The following TEX14 variants were observed in gnomAD, a reference collection of about 807,000 sequenced individuals.
The protein encoded by TEX14 is inactive serine/threonine-protein kinase TEX14.
Under a neutral mutation model 178.6 loss-of-function variants are expected in TEX14, and 168 were observed. The ratio of observed to expected loss-of-function variants is 0.94; its 90% confidence interval spans 0.83 to 1.07. TEX14 has a LOEUF of 1.07. Ranked by LOEUF, TEX14 falls within the 50% of genes least tolerant of loss-of-function variation. The probability of loss-of-function intolerance (pLI) is 0.00; values close to 1 mark genes in which losing one functional copy is unlikely to be tolerated. For missense variants in TEX14, 1,730 were observed against 1,753.6 expected (o/e 0.99, Z 0.24); for synonymous variants, 626 against 634.1 (o/e 0.99, Z 0.19).
chr17:58,661,130 C>T (rs1298605642), intron 1 of TEX14: 6 of 856,166 alleles, frequency 7.0e-6, no homozygotes, highest in African/African-American at 1.7e-5. Context: ...TTTAGCCTGT[C>T]TTTGAGATGC....
Position 58,570,680 on chromosome 17 carries a change from C to T in TEX14, c.3718-196G>A, listed in dbSNP as rs148332266. Among the ~76,000 whole-genome samples, 8 of 124,572 alleles carry T rather than the reference C, an allele frequency of 6.4e-5. No homozygotes were observed. In the East Asian group the frequency reaches 2.1e-3, roughly 32 times the overall value. 81.7% of individuals were successfully genotyped at this position (124,572 alleles called of 152,430 possible). ...TTACTCTGTTGCCCAGGCTGGAGTG[C>T]AGTGGCACAATCTCAGCTCACTGCA... On this transcript the variant is annotated intron_variant, in intron 24 of 31. Transcript: ENST00000349033.
rs548447342 is a variant in TEX14 at position 58,618,476 on chromosome 17, G to A, written c.555-857C>T. Reference sequence around the variant, plus strand: ...TGCATCAGGGTCCCCCTTCACTGAAGGTGTCTTGGAAGAAGGGGTGATGCC... The same window carrying A: ...TGCATCAGGGTCCCCCTTCACTGAAAGTGTCTTGGAAGAAGGGGTGATGCC... On this transcript the variant is annotated intron_variant, in intron 5 of 31. Transcript: ENST00000349033. Among the ~76,000 whole-genome samples, 3 of 152,344 alleles carry A rather than the reference G, an allele frequency of 2.0e-5. No homozygotes were observed. The East Asian group carries it at 5.8e-4, about 29-fold the overall frequency.
intron 1 of TEX14, among the ~76,000 whole-genome samples, chr17:58,679,023 G>A (rs1429945592): frequency 6.6e-6 from 1 of 151,762 alleles, no homozygotes; most frequent in Non-Finnish European, 1.5e-5. Context: ...GCGTGGTGGC[G>A]TGTGCCTGTA....
At chr17:58,632,329 C>T (rs1462254546) in intron 2 of TEX14, among the ~76,000 whole-genome samples, 1 of 152,184 alleles carries the variant, frequency 6.6e-6, no homozygotes, top group African/African-American at 2.4e-5. Context: ...ATTTCTTCCC[C>T]AAAAACCAGG....
chr17:58,616,579 C>A (rs1337557143), intron 6 of TEX14, among the ~76,000 whole-genome samples: 2 of 151,782 alleles, frequency 1.3e-5, no homozygotes, highest in African/African-American at 4.8e-5. Flanking sequence ...TACAAGCATG[C>A]ACCACCACAC....
intron 2 of TEX14, among the ~76,000 whole-genome samples, chr17:58,632,781 G>A (rs1354930584): frequency 6.6e-6 from 1 of 152,154 alleles, no homozygotes; most frequent in African/African-American, 2.4e-5. Context: ...GGGAAGGGGA[G>A]AGGGTATATA....
intron 11 of TEX14, among the ~76,000 whole-genome samples, chr17:58,602,876 G>A (rs894828406): frequency 6.6e-6 from 1 of 151,238 alleles, no homozygotes; most frequent in Non-Finnish European, 1.5e-5. Context: ...GACCGTCCTG[G>A]CCAACATGGT....
chr17:58,564,982 A>ATTT lies in TEX14; in HGVS notation c.3965-15_3965-14insAAA, dbSNP rs766750761. On this transcript the variant is annotated splice_polypyrimidine_tract_variant and intron_variant, in intron 27 of 31. Coordinates refer to ENST00000349033, the MANE Select transcript of TEX14 (RefSeq NM_031272.5). ...AGTGCCTTTGATCTAAAAACAGTTG[A>ATTT]AAGAATTAACTTTATTAGAACGAAA... 1.8e-5 allele frequency: 27 copies of ATTT among 1,517,288 alleles called. 2 individuals are homozygous for ATTT. The South Asian group carries it at 3.2e-4, about 18-fold the overall frequency. 94.0% of individuals were successfully genotyped at this position (1,517,288 alleles called of 1,614,324 possible). A position where few individuals can be genotyped will look rare whatever the true frequency, so the allele number is the denominator to read the frequency against.
chr17:58,591,529 AAAAT>A (rs1218495830), intron 15 of TEX14, among the ~76,000 whole-genome samples: 1 of 152,110 alleles, frequency 6.6e-6, no homozygotes, highest in Non-Finnish European at 1.5e-5. Context: ...AAAAATATAA[AAAAT>A]AAATAAATAA....
intron 1 of TEX14, among the ~76,000 whole-genome samples, chr17:58,682,799 A>G (rs999099948): frequency 1.1e-4 from 17 of 152,174 alleles, no homozygotes; most frequent in Non-Finnish European, 2.1e-4. Context: ...AGCCTTAGGC[A>G]AAAAGATGTC....
At chr17:58,620,858 C>G (rs9898626) in intron 5 of TEX14, among the ~76,000 whole-genome samples, 96,730 of 151,872 alleles carry the variant, frequency 0.64, 31,174 homozygotes, top group African/African-American at 0.71. Flanking sequence ...CAGAGTGGCA[C>G]GCAGCACAGC....
Position 58,676,402 on chromosome 17 carries a change from A to C in TEX14, c.-2+15537T>G, listed in dbSNP as rs185141931. Reference sequence around the variant, plus strand: ...AAAAAAAACCAAAAAAACAAAAAAAAACACAAAAAAACCCAGGCGTGGTGG... The same window carrying C: ...AAAAAAAACCAAAAAAACAAAAAAACACACAAAAAAACCCAGGCGTGGTGG... On this transcript the variant is annotated intron_variant, in intron 1 of 31. Coordinates refer to ENST00000349033, the MANE Select transcript of TEX14 (RefSeq NM_031272.5). Among the ~76,000 whole-genome samples, 6 of 151,880 alleles carry C rather than the reference A, an allele frequency of 4.0e-5. No individual in the cohort carries two copies. The East Asian group carries it at 5.8e-4, about 15-fold the overall frequency.
intron 1 of TEX14, among the ~76,000 whole-genome samples, chr17:58,654,877 T>C (rs1455250128): frequency 2.0e-5 from 3 of 151,976 alleles, no homozygotes; most frequent in Non-Finnish European, 4.4e-5. Flanking sequence ...GACCTCATTC[T>C]GTCCTAGAAC....
chr17:58,687,824 C>CGGTAG (rs1402764013), intron 1 of TEX14, among the ~76,000 whole-genome samples: 4 of 152,170 alleles, frequency 2.6e-5, no homozygotes. Flanking sequence ...GTCCTTCCTA[C>CGGTAG]CCTTAGAATT....
chr17:58,599,274 CAA>C lies in TEX14; in HGVS notation c.2069_2070del (p.Phe690Ter), dbSNP rs1190117156. 1.9e-6 allele frequency: 3 copies of C among 1,613,484 alleles called. No individual in the cohort carries two copies. Among genetic ancestry groups the C allele is most frequent in the Admixed American group, 1.7e-5 (1 of 60,006 alleles). On this transcript the variant is annotated frameshift_variant, in exon 14 of 32. Transcript: ENST00000349033. LOFTEE classifies it high-confidence loss of function. ...SSSKAETEYS[F>X]DDWDWQNGSL... ...GAACCGTTTTGCCAGTCCCAGTCATCAAAAGAGTACTCTGTCTCAGCTTTTGA... is the reference window on the plus strand; with the variant it reads ...GAACCGTTTTGCCAGTCCCAGTCATCAAGAGTACTCTGTCTCAGCTTTTGA...
At chr17:58,682,961 T>G (rs1318620811) in intron 1 of TEX14, among the ~76,000 whole-genome samples, 1 of 146,780 alleles carries the variant, frequency 6.8e-6, no homozygotes, top group Admixed American at 7.1e-5. Flanking sequence ...GGCTAACACC[T>G]ACAATCCCAG....
intron 27 of TEX14, 25 bp downstream of exon 27, chr17:58,565,722 A>T (rs1445793326): frequency 1.3e-6 from 2 of 1,570,508 alleles, no homozygotes; most frequent in Admixed American, 1.7e-5. Flanking sequence ...GAACCTGATG[A>T]AAACAATCTA....
At chr17:58,628,345 G>C (rs2046197231) in intron 3 of TEX14, among the ~76,000 whole-genome samples, 2 of 151,790 alleles carry the variant, frequency 1.3e-5, no homozygotes, top group Non-Finnish European at 2.9e-5. Flanking sequence ...TTGGGAGACT[G>C]AGGCGGGCGG....
intron 6 of TEX14, 131 bp downstream of exon 6, chr17:58,617,407 T>A (rs551130469): frequency 4.6e-6 from 3 of 650,848 alleles, no homozygotes; most frequent in East Asian, 2.6e-5. Flanking sequence ...TTTCCCTCAA[T>A]AGGGGCAAAA....
Sources: allele counts gnomAD v4.1 joint callset (sites outside exome capture counted in the v4.1 genomes callset), GRCh38; gene constraint gnomAD v4.1.1; transcripts MANE v1.5; gene names NCBI Gene and HGNC (gene_info 2026-07-23, HGNC 2026-07-21).